The following TRIT1 variants were observed in gnomAD, a reference collection of about 807,000 sequenced individuals.
TRIT1 encodes tRNA isopentenyltransferase 1.
In TRIT1, 43 loss-of-function variants were observed where a neutral mutation model predicts 51.2. The ratio of observed to expected loss-of-function variants is 0.84; its 90% CI spans 0.66 to 1.08. The LOEUF (loss-of-function observed/expected upper bound fraction) is 1.08. Among genes scored for constraint, TRIT1 ranks in the 50% least tolerant of loss-of-function variants. TRIT1 has a pLI of 0.00. For synonymous variants in TRIT1, 184 were observed against 203.9 expected (o/e 0.90, Z 0.83); for missense variants, 528 against 578.4 (o/e 0.91, Z 0.89).
intron 1 of TRIT1, among the ~76,000 whole-genome samples, chr1:39,875,639 G>C (rs995605511): frequency 2.0e-5 from 3 of 152,092 alleles, no homozygotes; most frequent in African/African-American, 7.2e-5. Flanking sequence ...ATGCCAGATA[G>C]TTGCTGGTCA....
intron 7 of TRIT1, 58 bp from the exon 8 acceptor site, chr1:39,847,355 G>A: frequency 6.5e-7 from 1 of 1,538,060 alleles, no homozygotes; most frequent in Non-Finnish European, 9.0e-7. Flanking sequence ...CCTGCAGAGA[G>A]GCAGGCCCTC....
chr1:39,883,201 T>G, intron 1 of TRIT1, 117 bp downstream of exon 1: 7 of 1,140,696 alleles, frequency 6.1e-6, no homozygotes, highest in African/African-American at 1.5e-5. Context: ...ATGGGCTCCC[T>G]TTACCTACCC....
chr1:39,873,169 A>G (rs557225817), intron 1 of TRIT1, among the ~76,000 whole-genome samples: 3 of 152,362 alleles, frequency 2.0e-5, no homozygotes, highest in Middle Eastern at 3.4e-3. Context: ...GGAAAAGAAA[A>G]ATAACACAAA....
At chr1:39,859,377 T>G (rs756864713) in intron 1 of TRIT1, among the ~76,000 whole-genome samples, 2 of 142,710 alleles carry the variant, frequency 1.4e-5, no homozygotes, top group East Asian at 4.1e-4. Flanking sequence ...CTTGAGCTCA[T>G]GAGTTCAAGA....
chr1:39,869,008 C>T lies in TRIT1; in HGVS notation c.175-11591G>A, dbSNP rs199642102. Among the ~76,000 whole-genome samples the T allele has an allele frequency of 1.2e-4, 19 of 152,240 alleles. No individual in the cohort carries two copies. The East Asian group carries it at 3.1e-3, about 25-fold the overall frequency. Reference sequence around the variant, plus strand: ...CGATGAGGCAGAGGTTGCAGTGAGCCGAGATCGTGCCACTGCACTTCAGCC... The same window carrying T: ...CGATGAGGCAGAGGTTGCAGTGAGCTGAGATCGTGCCACTGCACTTCAGCC... On this transcript the variant is annotated intron_variant, in intron 1 of 10. Coordinates refer to ENST00000316891, the MANE Select transcript of TRIT1 (RefSeq NM_017646.6).
chr1:39,844,413 C>T (rs1490291442), intron 9 of TRIT1, 118 bp downstream of exon 9: 3 of 901,368 alleles, frequency 3.3e-6, no homozygotes, highest in Non-Finnish European at 3.5e-6. Context: ...AAGCAGCCAG[C>T]CCTTCTGCTT....
intron 1 of TRIT1, among the ~76,000 whole-genome samples, chr1:39,882,965 T>C (rs2124701248): frequency 6.6e-6 from 1 of 152,202 alleles, no homozygotes; most frequent in East Asian, 1.9e-4. Context: ...TCAAAAGATA[T>C]TTACTGGATA....
chr1:39,868,786 G>A (rs138828616), intron 1 of TRIT1, among the ~76,000 whole-genome samples: 1,624 of 151,194 alleles, frequency 0.011, 30 homozygotes, highest in African/African-American at 0.038. Flanking sequence ...CTGGCTGGGC[G>A]TGGTGGCTCA....
At chr1:39,855,954 G>A (rs1642872408) in intron 2 of TRIT1, among the ~76,000 whole-genome samples, 1 of 151,884 alleles carries the variant, frequency 6.6e-6, no homozygotes, top group South Asian at 2.1e-4. Flanking sequence ...GAGGCAGTAG[G>A]ACCACTTGAG....
At position 39,883,432 on chromosome 1, in the gene TRIT1, T is replaced by TTGCAGGCCCCTGAGCCCAC; in HGVS notation, c.41_59dup (p.Arg21TrpfsTer36). 1 of 1,613,378 alleles carries TTGCAGGCCCCTGAGCCCAC rather than the reference T, an allele frequency of 6.2e-7. No individual in the cohort carries two copies. The highest frequency in any genetic ancestry group is 8.5e-7 in the Non-Finnish European group (1 of 1,179,532). On this transcript the variant is annotated frameshift_variant, in exon 1 of 11. Coordinates refer to ENST00000316891, the MANE Select transcript of TRIT1 (RefSeq NM_017646.6). LOFTEE classifies it high-confidence loss of function. Reference sequence around the variant, plus strand: ...GAATCACTACAAGAGGTAGGGTCCGTTGCAGGCCCCTGAGCCCACTGCCCA... The same window carrying TTGCAGGCCCCTGAGCCCAC: ...GAATCACTACAAGAGGTAGGGTCCGTTGCAGGCCCCTGAGCCCACTGCAGGCCCCTGAGCCCACTGCCCA...
Position 39,847,263 on chromosome 1 carries a change from A to G in TRIT1, c.963T>C (p.Tyr321=). Reference sequence around the variant, plus strand: ...TAACCCATCGGTTTTGTTTCCGGGCATATCTCTTAGTTACTTGTTTCAGAG... The same window carrying G: ...TAACCCATCGGTTTTGTTTCCGGGCGTATCTCTTAGTTACTTGTTTCAGAG... The part of the protein sequence containing the change: ...IEALKQVTKR[Y]ARKQNRWVKN... The change falls in exon 8 of 11, where the codon TAT becomes TAC. Residue 321 remains tyrosine (Y), a synonymous_variant. Transcript: ENST00000316891. 1 of 1,614,218 alleles carries G rather than the reference A, an allele frequency of 6.2e-7. No individual in the cohort carries two copies. The highest frequency in any genetic ancestry group is 1.3e-5 in the African/African-American group (1 of 75,044).
intron 1 of TRIT1, among the ~76,000 whole-genome samples, chr1:39,863,914 G>A (rs1643389775): frequency 1.3e-5 from 2 of 152,132 alleles, no homozygotes; most frequent in African/African-American, 4.8e-5. Flanking sequence ...TTTGTTCACT[G>A]GGAGACATCT....
At chr1:39,866,187 CT>C (rs1342655008) in intron 1 of TRIT1, among the ~76,000 whole-genome samples, 11 of 151,744 alleles carry the variant, frequency 7.2e-5, no homozygotes, top group Non-Finnish European at 1.5e-4. Context: ...TCTTCTAGTT[CT>C]TTTTTTTAGA....
At chr1:39,876,033 G>A (rs1644042009) in intron 1 of TRIT1, 1 of 152,070 alleles carries the variant, frequency 6.6e-6, no homozygotes, top group African/African-American at 2.4e-5. Context: ...CTGCCACAAT[G>A]AGGGAGGTAC....
intron 4 of TRIT1, 72 bp downstream of exon 4, chr1:39,852,659 C>T: frequency 6.5e-7 from 1 of 1,547,314 alleles, no homozygotes; most frequent in Non-Finnish European, 8.7e-7. Context: ...CTCTCATCAT[C>T]TGGGCAAACT....
chr1:39,868,144 C>T (rs1643653706), intron 1 of TRIT1, among the ~76,000 whole-genome samples: 1 of 151,342 alleles, frequency 6.6e-6, no homozygotes, highest in Non-Finnish European at 1.5e-5. Flanking sequence ...GACGGGGTTT[C>T]ACCGTGTTAG....
intron 1 of TRIT1, among the ~76,000 whole-genome samples, chr1:39,880,936 G>A (rs1644241486): frequency 1.3e-5 from 2 of 152,104 alleles, no homozygotes; most frequent in South Asian, 4.1e-4. Flanking sequence ...ACAGATGTAA[G>A]GCTGGGTGCA....
At chr1:39,847,794 A>G (rs1038008041) in intron 6 of TRIT1, 134 bp from the exon 7 acceptor site, 2 of 1,518,136 alleles carry the variant, frequency 1.3e-6, no homozygotes, top group African/African-American at 2.8e-5. Flanking sequence ...TGATTCTCTG[A>G]AATTTTCCCC....
chr1:39,869,865 C>A (rs1015464901), intron 1 of TRIT1, among the ~76,000 whole-genome samples: 1 of 152,004 alleles, frequency 6.6e-6, no homozygotes, highest in Non-Finnish European at 1.5e-5. Flanking sequence ...AGCGTCTCTG[C>A]CAGGCAGCTG....
Sources: gnomAD v4.1 joint callset for allele counts (sites outside exome capture counted in the v4.1 genomes callset) on GRCh38, gnomAD v4.1.1 for gene constraint, MANE v1.5 for transcripts, NCBI Gene and HGNC (gene_info 2026-07-23, HGNC 2026-07-21) for gene names.